CNTN6: variants seen among roughly 807,000 people sequenced by gnomAD.
CNTN6 encodes contactin 6, also known as contactin-6.
A neutral mutation model predicts 122.8 loss-of-function variants in CNTN6; 137 were observed. That is an observed-to-expected ratio of 1.12 (90% CI 0.97 to 1.29). CNTN6 has a LOEUF of 1.29. Among genes scored for constraint, CNTN6 ranks in the 50% most tolerant of loss-of-function variants. The probability of loss-of-function intolerance (pLI) is 0.00; values close to 1 mark genes in which losing one functional copy is unlikely to be tolerated. For synonymous variants in CNTN6, 570 were observed against 426.0 expected, an observed-to-expected ratio of 1.34 and a Z score of -4.16; for missense variants, 1,634 against 1,223.4, an observed-to-expected ratio of 1.34 and a Z score of -5.01.
chr3:1,232,212 T>C (rs1575337526), intron 4 of CNTN6, among the ~76,000 whole-genome samples: 1 of 152,334 alleles, frequency 6.6e-6, no homozygotes, highest in South Asian at 2.1e-4. Flanking sequence ...TTTTTGATCC[T>C]ACATTATTTA....
chr3:1,216,969 GGAT>G (rs536965602), intron 2 of CNTN6, among the ~76,000 whole-genome samples: 2 of 151,924 alleles, frequency 1.3e-5, no homozygotes, highest in African/African-American at 2.4e-5. Flanking sequence ...TAATAATGAT[GGAT>G]GATGATGATG....
intron 5 of CNTN6, among the ~76,000 whole-genome samples, chr3:1,282,491 T>C (rs1019277006): frequency 2.0e-5 from 3 of 152,238 alleles, no homozygotes; most frequent in African/African-American, 7.2e-5. Flanking sequence ...TATTTCTCTT[T>C]TAATCCTATT....
intron 7 of CNTN6, among the ~76,000 whole-genome samples, chr3:1,302,455 G>A (rs9817168): frequency 0.059 from 9,035 of 152,018 alleles, 942 homozygotes; most frequent in African/African-American, 0.21. Context: ...ACATTTATTA[G>A]ACTAAGATGT....
chr3:1,146,284 C>T (rs189086274), intron 1 of CNTN6, among the ~76,000 whole-genome samples: 11 of 152,158 alleles, frequency 7.2e-5, no homozygotes, highest in South Asian at 2.1e-4. Context: ...TGTCTCATGC[C>T]GCAGTTCTTC....
chr3:1,300,606 AGAGAAAGAAAGG>A (rs1364790958), intron 7 of CNTN6, among the ~76,000 whole-genome samples: 4 of 116,960 alleles, frequency 3.4e-5, no homozygotes, highest in Admixed American at 1.5e-4. Context: ...AGAAAGAAAG[AGAGAAAGAAAGG>A]AAGAAAAGGA....
intron 12 of CNTN6, among the ~76,000 whole-genome samples, chr3:1,363,529 C>T (rs1707779467): frequency 6.6e-6 from 1 of 151,774 alleles, no homozygotes; most frequent in Admixed American, 6.6e-5. Context: ...TCTTTCTGTG[C>T]CTGGCTTACT....
intron 17 of CNTN6, among the ~76,000 whole-genome samples, chr3:1,380,941 A>C (rs1375313275): frequency 6.6e-6 from 1 of 151,596 alleles, no homozygotes; most frequent in Non-Finnish European, 1.5e-5. Flanking sequence ...CACTTAAAGA[A>C]AACTCTTTTT....
chr3:1,377,711 C>G (rs17785996), intron 17 of CNTN6, among the ~76,000 whole-genome samples: 1 of 152,154 alleles, frequency 6.6e-6, no homozygotes, highest in East Asian at 1.9e-4. Flanking sequence ...AAAGGGAATA[C>G]GTGGTCAGTT....
At chr3:1,120,195 T>C in intron 1 of CNTN6, among the ~76,000 whole-genome samples, 1 of 152,022 alleles carries the variant, frequency 6.6e-6, no homozygotes, top group East Asian at 1.9e-4. Context: ...GAGCAATTCT[T>C]TGGGTAGATA....
At chr3:1,272,777 T>A (rs2095047676) in intron 4 of CNTN6, among the ~76,000 whole-genome samples, 1 of 152,196 alleles carries the variant, frequency 6.6e-6, no homozygotes. Context: ...CTGATTGTGA[T>A]CCTCAGGCCT....
chr3:1,278,062 G>A (rs967851401), intron 4 of CNTN6, among the ~76,000 whole-genome samples: 2 of 152,192 alleles, frequency 1.3e-5, no homozygotes, highest in Non-Finnish European at 2.9e-5. Context: ...GAAGACTGCA[G>A]CAAACTTGTG....
At chr3:1,391,273 C>T (rs1393284611) in intron 20 of CNTN6, among the ~76,000 whole-genome samples, 2 of 119,574 alleles carry the variant, frequency 1.7e-5, no homozygotes, top group Non-Finnish European at 3.4e-5. Context: ...TAAATGTAAT[C>T]CAGCATATAA....
At chr3:1,264,336 A>G (rs116304268) in intron 4 of CNTN6, among the ~76,000 whole-genome samples, 181 of 152,272 alleles carry the variant, frequency 1.2e-3, no homozygotes, top group Non-Finnish European at 2.2e-3. Context: ...GAGTTAGTGA[A>G]CAAACTCTAC....
chr3:1,395,756 C>T (rs1170661926), intron 20 of CNTN6, among the ~76,000 whole-genome samples: 1 of 152,180 alleles, frequency 6.6e-6, no homozygotes, highest in Non-Finnish European at 1.5e-5. Flanking sequence ...ATTTTGCTTA[C>T]CACAGTTTCA....
chr3:1,171,725 G>C (rs1378886520), intron 2 of CNTN6, among the ~76,000 whole-genome samples: 1 of 151,970 alleles, frequency 6.6e-6, no homozygotes, highest in African/African-American at 2.4e-5. Flanking sequence ...TCCCACCTCA[G>C]CCTCCCAAGT....
rs745495931 is a variant in CNTN6 at position 1,372,525 on chromosome 3, C to T, written c.1668+51C>T. On this transcript the variant is annotated intron_variant, in intron 13 of 22. Coordinates refer to ENST00000446702, the MANE Select transcript of CNTN6 (RefSeq NM_001289080.2). ...TTAATAAAATGAATCAAGTCTTTTA[C>T]ATGAATCACCATTTTTCATAGTTAC... 6.5e-6 allele frequency: 9 copies of T among 1,390,704 alleles called. No individual in the cohort carries two copies. In the East Asian group the frequency reaches 1.9e-4, roughly 30 times the overall value. The allele number at this position is 1,390,704 out of a possible 1,614,324, so 86.1% of individuals were successfully genotyped here.
In CNTN6 at chr3:1,342,455, T is replaced by G. The variant is rs114234582; in HGVS notation, c.1365-9869T>G. Among the ~76,000 whole-genome samples the G allele has an allele frequency of 2.3e-4, 35 of 152,276 alleles. 1 individual carries two copies. Among genetic ancestry groups the G allele is most frequent in the African/African-American group, 8.2e-4 (34 of 41,540 alleles). On this transcript the variant is annotated intron_variant, in intron 11 of 22. Coordinates refer to ENST00000446702, the MANE Select transcript of CNTN6 (RefSeq NM_001289080.2). ...TCTGTTTCTTTTATAAGCACTTGCT[T>G]TCCAGCAAAACATAGCAAATTGGAT... is the stretch of plus-strand genomic sequence containing the variant.
intron 20 of CNTN6, among the ~76,000 whole-genome samples, chr3:1,397,204 A>G (rs192385521): frequency 7.9e-5 from 12 of 152,320 alleles, no homozygotes; most frequent in African/African-American, 2.9e-4. Context: ...TTTAGAGAAG[A>G]GGCAACCTAA....
chr3:1,372,497 T>C, intron 13 of CNTN6, 23 bp downstream of exon 13: 1 of 1,569,160 alleles, frequency 6.4e-7, no homozygotes, highest in Non-Finnish European at 8.6e-7. Context: ...AATTGTTAAG[T>C]GCTTAATAAA....
Sources: allele counts gnomAD v4.1 joint callset (sites outside exome capture counted in the v4.1 genomes callset), GRCh38; gene constraint gnomAD v4.1.1; transcripts MANE v1.5; gene names NCBI Gene and HGNC (gene_info 2026-07-23, HGNC 2026-07-21).